The following RAPGEF5 variants were observed in gnomAD, a reference collection of about 807,000 sequenced individuals.
RAPGEF5 encodes M-Ras-regulated GEF.
A neutral mutation model predicts 125.2 loss-of-function variants in RAPGEF5; 65 were observed. That is an observed-to-expected ratio of 0.52 (90% confidence interval 0.43 to 0.64). The LOEUF is 0.64. Among genes scored for constraint, RAPGEF5 ranks in the 30% least tolerant of loss-of-function variants. RAPGEF5 has a pLI of 0.00. For synonymous variants in RAPGEF5, 391 were observed against 385.9 expected (o/e 1.01, Z -0.16); for missense variants, 958 against 1,048.1 (o/e 0.91, Z 1.19).
chr7:22,228,098 T>C (rs1270730977), intron 8 of RAPGEF5, among the ~76,000 whole-genome samples: 1 of 152,198 alleles, frequency 6.6e-6, no homozygotes, highest in Non-Finnish European at 1.5e-5. Flanking sequence ...TGACAATAAC[T>C]GACAGAGGCT....
chr7:22,231,276 T>C (rs957554656), intron 7 of RAPGEF5, among the ~76,000 whole-genome samples: 4 of 152,188 alleles, frequency 2.6e-5, no homozygotes, highest in African/African-American at 9.7e-5. Context: ...TATATTTTTT[T>C]TAATGTGGCT....
At chr7:22,254,696 G>C (rs1456949034) in intron 7 of RAPGEF5, among the ~76,000 whole-genome samples, 1 of 151,930 alleles carries the variant, frequency 6.6e-6, no homozygotes, top group African/African-American at 2.4e-5. Context: ...CCAGTTTCAC[G>C]GAAGACAATT....
chr7:22,251,679 T>C (rs1304956085), intron 7 of RAPGEF5, among the ~76,000 whole-genome samples: 1 of 144,382 alleles, frequency 6.9e-6, no homozygotes, highest in Non-Finnish European at 1.5e-5. Flanking sequence ...AATGAGGTAG[T>C]TCCACAAAAA....
intron 3 of RAPGEF5, among the ~76,000 whole-genome samples, chr7:22,310,435 C>A (rs533961732): frequency 7.6e-4 from 116 of 152,290 alleles, no homozygotes; most frequent in African/African-American, 2.7e-3. Flanking sequence ...ACAATTAGAA[C>A]AGTCCACAAT....
chr7:22,156,984 T>TC, intron 15 of RAPGEF5, 96 bp from the exon 16 acceptor site: 1 of 1,437,770 alleles, frequency 7.0e-7, no homozygotes, highest in Non-Finnish European at 9.3e-7. Context: ...ACTAGCCAAA[T>TC]TTTTTTTTAA....
At chr7:22,291,027 G>T (rs1385092732) in intron 6 of RAPGEF5, 148 bp downstream of exon 6, 1 of 821,226 alleles carries the variant, frequency 1.2e-6, no homozygotes, top group South Asian at 2.7e-5. Context: ...CAAAGCCACT[G>T]TCTCCCTCTG....
At chr7:22,276,125 A>C (rs181745449) in intron 6 of RAPGEF5, among the ~76,000 whole-genome samples, 2 of 152,192 alleles carry the variant, frequency 1.3e-5, no homozygotes, top group Non-Finnish European at 2.9e-5. Context: ...AGTCTATATT[A>C]GACATTTTAA....
At chr7:22,340,108 A>G (rs111830097) in intron 1 of RAPGEF5, among the ~76,000 whole-genome samples, 81 of 152,308 alleles carry the variant, frequency 5.3e-4, no homozygotes, top group African/African-American at 1.9e-3. Context: ...AAGGGCATCA[A>G]GCACCCTCTC....
intron 8 of RAPGEF5, among the ~76,000 whole-genome samples, chr7:22,228,160 G>A (rs1216583871): frequency 1.3e-5 from 2 of 152,164 alleles, no homozygotes; most frequent in African/African-American, 4.8e-5. Flanking sequence ...TGCTTCACAT[G>A]TAGTCCTTTA....
At chr7:22,295,590 G>T (rs539060538) in intron 5 of RAPGEF5, among the ~76,000 whole-genome samples, 5 of 152,204 alleles carry the variant, frequency 3.3e-5, no homozygotes, top group Admixed American at 3.3e-4. Context: ...AATTTTGAAG[G>T]ACTTAGTGTT....
intron 5 of RAPGEF5, among the ~76,000 whole-genome samples, chr7:22,297,050 A>T (rs1024402012): frequency 6.6e-6 from 1 of 152,236 alleles, no homozygotes; most frequent in Non-Finnish European, 1.5e-5. Flanking sequence ...AGAATAGAAG[A>T]GGTAGAGAAA....
chr7:22,255,181 T>A (rs770069600), intron 7 of RAPGEF5, among the ~76,000 whole-genome samples: 15 of 152,172 alleles, frequency 9.9e-5, no homozygotes, highest in Non-Finnish European at 1.8e-4. Flanking sequence ...TCTTTGAACA[T>A]AGGAATCAAA....
In RAPGEF5 at chr7:22,297,954, C is replaced by T. The variant is rs202127092; in HGVS notation, c.681-6713G>A. 2.0e-5 allele frequency among the ~76,000 whole-genome samples: 3 copies of T among 152,132 alleles called. No individual in the cohort carries two copies. The East Asian group carries it at 5.8e-4, about 29-fold the overall frequency. Reference sequence around the variant, plus strand: ...TTTCTATTTTTCTGAGAATTTTTATCTTGAAGGGTTAAATTTTCTCTAATT... The same window carrying T: ...TTTCTATTTTTCTGAGAATTTTTATTTTGAAGGGTTAAATTTTCTCTAATT... On this transcript the variant is annotated intron_variant, in intron 5 of 25. Coordinates refer to ENST00000665637, the MANE Select transcript of RAPGEF5 (RefSeq NM_012294.5).
rs569084758 is a variant in RAPGEF5 at position 22,157,031 on chromosome 7, T to C, written c.1558-143A>G. ...CCCATCCAATCTTAGAGAAATAAAC[T>C]GGGAGTCGCCTCAACTAATGCAAGT... On this transcript the variant is annotated intron_variant, in intron 15 of 25. Transcript: ENST00000665637. 7.9e-6 allele frequency: 11 copies of C among 1,389,860 alleles called. 2 individuals are homozygous for C. The African/African-American group carries it at 1.6e-4, about 20-fold the overall frequency. 86.1% of individuals were successfully genotyped at this position (1,389,860 alleles called of 1,614,324 possible). A position where few individuals can be genotyped will look rare whatever the true frequency, so the allele number is the denominator to read the frequency against.
chr7:22,280,485 C>T (rs1384979312), intron 6 of RAPGEF5, among the ~76,000 whole-genome samples: 3 of 152,104 alleles, frequency 2.0e-5, no homozygotes, highest in African/African-American at 4.8e-5. Flanking sequence ...ATACTGGACT[C>T]AAATGGACTT....
chr7:22,230,948 T>C, intron 7 of RAPGEF5, 29 bp from the exon 8 acceptor site: 1 of 1,536,186 alleles, frequency 6.5e-7, no homozygotes, highest in Non-Finnish European at 8.8e-7. Context: ...ATTAAACAAA[T>C]GTATCATCAT....
chr7:22,163,372 C>T (rs2128112934), intron 12 of RAPGEF5, among the ~76,000 whole-genome samples: 1 of 152,224 alleles, frequency 6.6e-6, no homozygotes. Flanking sequence ...CCCAGCAGTA[C>T]ATTTACTGAC....
chr7:22,235,592 C>G (rs531008678), intron 7 of RAPGEF5, among the ~76,000 whole-genome samples: 1 of 152,146 alleles, frequency 6.6e-6, no homozygotes, highest in Admixed American at 6.5e-5. Flanking sequence ...TGTACTAGGT[C>G]GGAATCTTTT....
At chr7:22,182,383 A>C (rs534577412) in intron 11 of RAPGEF5, among the ~76,000 whole-genome samples, 5 of 152,272 alleles carry the variant, frequency 3.3e-5, no homozygotes, top group Admixed American at 1.3e-4. Flanking sequence ...TTTTGCTAAA[A>C]TTACTAGGTT....
Sources: allele counts gnomAD v4.1 joint callset (sites outside exome capture counted in the v4.1 genomes callset), GRCh38; gene constraint gnomAD v4.1.1; transcripts MANE v1.5; gene names NCBI Gene and HGNC (gene_info 2026-07-23, HGNC 2026-07-21).